BFSP1: variants seen among roughly 807,000 people sequenced by gnomAD.
BFSP1 encodes filensin.
BFSP1 carries 38 observed loss-of-function variants against 43.9 expected under a neutral mutation model. The ratio of observed to expected loss-of-function variants is 0.87; its 90% CI spans 0.67 to 1.14. BFSP1 has a LOEUF of 1.14. Ranked by LOEUF, BFSP1 falls within the 50% of genes most tolerant of loss-of-function variation. BFSP1 has a pLI of 0.00. For missense variants in BFSP1, 850 were observed against 875.1 expected (o/e 0.97, Z 0.36); for synonymous variants, 352 against 354.8 (o/e 0.99, Z 0.09).
At chr20:17,549,926 A>C (rs2034869149) in intron 1 of BFSP1, among the ~76,000 whole-genome samples, 1 of 152,220 alleles carries the variant, frequency 6.6e-6, no homozygotes, top group Non-Finnish European at 1.5e-5. Context: ...TCCCATCTGC[A>C]ACACTGGGGA....
chr20:17,494,882 G>C lies in BFSP1; in HGVS notation c.1190C>G (p.Thr397Arg), dbSNP rs1488794166. Reference protein sequence around the residue: ...EDAPLKGLEDTKLVQVVLKEE... With the variant: ...EDAPLKGLEDRKLVQVVLKEE... ...TTTAAGTACCACCTGTACCAGCTTT[G>C]TGTCTTCCAAACCTTTTAATGGTGC... Residue 397 changes from threonine to arginine, a missense_variant, in exon 8 of 8, where the codon ACA (threonine) becomes AGA (arginine). Transcript: ENST00000377873. 4 of 1,614,006 alleles carry C rather than the reference G, an allele frequency of 2.5e-6. No homozygotes were observed. The highest frequency in any genetic ancestry group is 3.4e-6 in the Non-Finnish European group (4 of 1,180,034).
intron 3 of BFSP1, among the ~76,000 whole-genome samples, chr20:17,513,809 G>C (rs2034140657): frequency 6.6e-6 from 1 of 152,230 alleles, no homozygotes; most frequent in African/African-American, 2.4e-5. Context: ...GTCAGCGAGG[G>C]CTATTACCAA....
intron 1 of BFSP1, among the ~76,000 whole-genome samples, chr20:17,544,666 G>A (rs2034772004): frequency 6.6e-6 from 1 of 152,078 alleles, no homozygotes; most frequent in African/African-American, 2.4e-5. Flanking sequence ...AATAATATAT[G>A]GAGTTAAAAC....
At position 17,550,689 on chromosome 20, in the gene BFSP1, T is replaced by C. The variant is rs954982891; in HGVS notation, c.2+7999A>G. Among the ~76,000 whole-genome samples, 3 of 152,100 alleles carry C rather than the reference T, an allele frequency of 2.0e-5. No homozygotes were observed. In the East Asian group the frequency reaches 5.8e-4, roughly 29 times the overall value. On this transcript the variant is annotated intron_variant, in intron 1 of 7. Transcript: ENST00000377868. ...GGTTTCACCATGTTGGCCAGGCTGG[T>C]CTTAAACTCCTGACCTCAGGTGATC...
At chr20:17,511,323 G>T (rs1378189767) in intron 4 of BFSP1, among the ~76,000 whole-genome samples, 1 of 152,138 alleles carries the variant, frequency 6.6e-6, no homozygotes, top group African/African-American at 2.4e-5. Flanking sequence ...AATGCCACAG[G>T]CTCACATAAT....
chr20:17,520,210 G>GCCCCCCCCCCCCCCCCCCCCCCTCCCC (rs138070825), intron 2 of BFSP1, among the ~76,000 whole-genome samples: 1 of 133,356 alleles, frequency 7.5e-6, no homozygotes, highest in Non-Finnish European at 1.6e-5. Flanking sequence ...GTTTTAACGT[G>GCCCCCCCCCCCCCCCCCCCCCCTCCCC]CCCCCCCACC....
chr20:17,559,213 A>G (rs75910460), upstream of BFSP1, among the ~76,000 whole-genome samples: 6,233 of 152,222 alleles, frequency 0.041, 165 homozygotes, highest in African/African-American at 0.072. Context: ...AAACTACAGC[A>G]ATTTATTGCT....
intron 1 of BFSP1, among the ~76,000 whole-genome samples, chr20:17,547,306 C>G (rs2034819818): frequency 6.6e-6 from 1 of 152,056 alleles, no homozygotes; most frequent in Non-Finnish European, 1.5e-5. Context: ...CTTAAGGAGA[C>G]AGGGCCAAAG....
chr20:17,510,950 C>T (rs1295170647), intron 4 of BFSP1, among the ~76,000 whole-genome samples: 1 of 152,098 alleles, frequency 6.6e-6, no homozygotes, highest in Non-Finnish European at 1.5e-5. Context: ...TGCATCATTT[C>T]CAGTGTTTGT....
intron 1 of BFSP1, among the ~76,000 whole-genome samples, chr20:17,564,744 G>A (rs1434843849): frequency 1.3e-5 from 2 of 151,654 alleles, no homozygotes; most frequent in East Asian, 1.9e-4. Context: ...ACCCACTACC[G>A]CGTCCGGCTA....
upstream of BFSP1, among the ~76,000 whole-genome samples, chr20:17,532,397 T>G (rs1455170973): frequency 2.2e-5 from 3 of 138,910 alleles, no homozygotes; most frequent in East Asian, 4.1e-4. Flanking sequence ...AGAGTGAGAC[T>G]CCGTCTCAAA....
At chr20:17,540,909 T>G (rs1195498307) in intron 1 of BFSP1, among the ~76,000 whole-genome samples, 1 of 152,248 alleles carries the variant, frequency 6.6e-6, no homozygotes, top group South Asian at 2.1e-4. Context: ...CACTTCACCA[T>G]GCTTTGTTGA....
At position 17,507,005 on chromosome 20, in the gene BFSP1, A is replaced by G. The variant is rs76607515; in HGVS notation, c.735+1884T>C. ...CCAGGAAGTCCTCCTGCAGCCACTC[A>G]GGACAGAAACAGGCGGCCAACCAGC... On this transcript the variant is annotated intron_variant, in intron 5 of 7. Transcript: ENST00000377873. This position sits in a 1 kb window ranked among gnomAD's most constrained non-coding sequence, Gnocchi z 4.4. The G allele has an allele frequency of 0.12, 18,209 of 152,194 alleles. 1,289 individuals are homozygous for G. The highest frequency in any genetic ancestry group is 0.34 in the East Asian group (1,764 of 5,168). 9.4% of individuals were successfully genotyped at this position (152,194 alleles called of 1,614,324 possible).
intron 7 of BFSP1, among the ~76,000 whole-genome samples, chr20:17,495,899 T>TA (rs969034155): frequency 6.6e-6 from 1 of 150,898 alleles, no homozygotes; most frequent in African/African-American, 2.5e-5. Context: ...TGATTCACAA[T>TA]AAAAAGAGAG....
intron 2 of BFSP1, among the ~76,000 whole-genome samples, chr20:17,521,459 A>C (rs895013437): frequency 2.6e-5 from 4 of 152,246 alleles, no homozygotes; most frequent in African/African-American, 9.6e-5. Context: ...GGCCACACCC[A>C]GGGATGAATC....
chr20:17,529,513 T>A (rs2034488532), intron 1 of BFSP1, among the ~76,000 whole-genome samples: 1 of 152,110 alleles, frequency 6.6e-6, no homozygotes, highest in African/African-American at 2.4e-5. Flanking sequence ...TGTGCCTGTG[T>A]GTGTGTCTGT....
intron 1 of BFSP1, among the ~76,000 whole-genome samples, chr20:17,537,346 G>A (rs1332331831): frequency 6.6e-6 from 1 of 152,092 alleles, no homozygotes; most frequent in Non-Finnish European, 1.5e-5. Context: ...AGACGCACCC[G>A]TGAAGTATGC....
intron 1 of BFSP1, among the ~76,000 whole-genome samples, chr20:17,553,391 AC>A (rs2034926847): frequency 6.6e-6 from 1 of 152,138 alleles, no homozygotes; most frequent in African/African-American, 2.4e-5. Flanking sequence ...AAAAACAAAA[AC>A]AAAAATCCTC....
At chr20:17,568,278 ACT>A (rs969227989) in intron 1 of BFSP1, among the ~76,000 whole-genome samples, 1 of 152,030 alleles carries the variant, frequency 6.6e-6, no homozygotes, top group African/African-American at 2.4e-5. Flanking sequence ...TTTGGACCTA[ACT>A]CTGGTGGCAG....
Sources: allele counts gnomAD v4.1 joint callset (sites outside exome capture counted in the v4.1 genomes callset), GRCh38; gene constraint gnomAD v4.1.1; non-coding constraint Gnocchi (gnomAD v3.1); transcripts MANE v1.5; gene names NCBI Gene and HGNC (gene_info 2026-07-23, HGNC 2026-07-21).